Variants in NTM observed in about 807,000 individuals in gnomAD.
NTM encodes the protein IgLON family member 2.
Under a neutral mutation model 42.1 loss-of-function variants are expected in NTM, and 13 were observed. The ratio of observed to expected loss-of-function variants is 0.31; its 90% confidence interval spans 0.20 to 0.49. The LOEUF (loss-of-function observed/expected upper bound fraction) is 0.49, where lower values mean the gene tolerates loss of function less well. Ranked by LOEUF, NTM falls within the 20% of genes least tolerant of loss-of-function variation. The pLI, the probability that NTM is intolerant of heterozygous loss-of-function variation, is 0.99. For missense variants in NTM, 373 were observed against 452.8 expected, an observed-to-expected ratio of 0.82 and a Z score of 1.60; for synonymous variants, 187 against 179.2, an observed-to-expected ratio of 1.04 and a Z score of -0.35.
chr11:132,063,332 A>G (rs1251950426), intron 2 of NTM, among the ~76,000 whole-genome samples: 1 of 152,196 alleles, frequency 6.6e-6, no homozygotes, highest in Admixed American at 6.5e-5. Context: ...GCAAAGTCAG[A>G]TTAACGGACA....
chr11:131,792,435 T>C (rs535115025), intron 1 of NTM, among the ~76,000 whole-genome samples: 19 of 152,226 alleles, frequency 1.2e-4, no homozygotes, highest in African/African-American at 4.6e-4. Flanking sequence ...TGGTGGTGAC[T>C]CACCAGCCAA....
At chr11:132,111,404 A>C (rs1037475337) in intron 2 of NTM, among the ~76,000 whole-genome samples, 1 of 152,288 alleles carries the variant, frequency 6.6e-6, no homozygotes, top group East Asian at 1.9e-4. Context: ...CCAGTCAAAA[A>C]ATTTTCAGCA....
At chr11:132,029,069 T>TTTG (rs1239923278) in intron 2 of NTM, among the ~76,000 whole-genome samples, 1 of 151,870 alleles carries the variant, frequency 6.6e-6, no homozygotes, top group Admixed American at 6.6e-5. Context: ...TGGGTTTTTT[T>TTTG]TTTTGTTTTG....
chr11:131,389,045 A>AAAAGAAAAGAAAAGG (rs1400836856), intron 1 of NTM, among the ~76,000 whole-genome samples: 2 of 150,650 alleles, frequency 1.3e-5, no homozygotes, highest in South Asian at 2.1e-4. Flanking sequence ...AAAAGAAAAG[A>AAAAGAAAAGAAAAGG]AAAGGAAAAA....
At chr11:131,654,997 T>C (rs1003400676) in intron 1 of NTM, among the ~76,000 whole-genome samples, 5 of 152,130 alleles carry the variant, frequency 3.3e-5, no homozygotes, top group Admixed American at 1.3e-4. Flanking sequence ...CAATCGGAAA[T>C]GCTGGGCCTG....
intron 1 of NTM, among the ~76,000 whole-genome samples, chr11:131,618,209 G>T (rs575089533): frequency 1.3e-5 from 2 of 152,134 alleles, no homozygotes; most frequent in African/African-American, 4.8e-5. Flanking sequence ...ACCTCAAAAG[G>T]CCTCCAGAGG....
intron 1 of NTM, among the ~76,000 whole-genome samples, chr11:131,861,740 A>G (rs929678263): frequency 1.3e-5 from 2 of 151,396 alleles, no homozygotes; most frequent in African/African-American, 2.4e-5. Flanking sequence ...ATGCAAAAAG[A>G]AAAAAAAAGA....
At position 131,484,368 on chromosome 11, in the gene NTM, A is replaced by T. The variant is rs529386542; in HGVS notation, c.82+113480A>T. Reference sequence around the variant, plus strand: ...GATACAAGACTGGCACATCCCCAAGAGTTGATTTTCCTTTTCAAATGCAAG... The same window carrying T: ...GATACAAGACTGGCACATCCCCAAGTGTTGATTTTCCTTTTCAAATGCAAG... On this transcript the variant is annotated intron_variant, in intron 1 of 8. Coordinates refer to ENST00000683400, the MANE Select transcript of NTM (RefSeq NM_001352005.2). Among the ~76,000 whole-genome samples the T allele has an allele frequency of 3.9e-5, 6 of 152,188 alleles. No individual in the cohort carries two copies. The South Asian group carries it at 6.2e-4, about 16-fold the overall frequency.
At chr11:131,442,342 G>A (rs1014840062) in intron 1 of NTM, among the ~76,000 whole-genome samples, 3 of 152,084 alleles carry the variant, frequency 2.0e-5, no homozygotes, top group East Asian at 1.9e-4. Flanking sequence ...CCTCCTCATC[G>A]ATGACAGCAA....
chr11:131,645,505 T>A (rs2065663685), intron 1 of NTM, among the ~76,000 whole-genome samples: 1 of 152,184 alleles, frequency 6.6e-6, no homozygotes, highest in African/African-American at 2.4e-5. Context: ...GTTCTGGGTA[T>A]TAAACCAAAC....
chr11:131,962,614 A>G (rs1663226715), intron 2 of NTM, among the ~76,000 whole-genome samples: 1 of 152,182 alleles, frequency 6.6e-6, no homozygotes, highest in Admixed American at 6.5e-5. Context: ...CTGAGGAACA[A>G]ATGTTTGAAC....
intron 2 of NTM, among the ~76,000 whole-genome samples, chr11:132,071,432 C>A (rs933316054): frequency 6.6e-6 from 1 of 152,154 alleles, no homozygotes; most frequent in South Asian, 2.1e-4. Context: ...TGACCACCAC[C>A]GTGCTTGCCT....
intron 1 of NTM, among the ~76,000 whole-genome samples, chr11:131,621,019 A>G (rs997694378): frequency 1.3e-5 from 2 of 152,324 alleles, no homozygotes; most frequent in Non-Finnish European, 2.9e-5. Context: ...CCAGACACAA[A>G]GCTTGTAATT....
At chr11:132,013,377 C>T (rs2072670496) in intron 2 of NTM, among the ~76,000 whole-genome samples, 1 of 152,084 alleles carries the variant, frequency 6.6e-6, no homozygotes, top group Non-Finnish European at 1.5e-5. Context: ...GCTTATCATC[C>T]TAGTGGAAAG....
intron 1 of NTM, among the ~76,000 whole-genome samples, chr11:131,570,377 G>T (rs2057336699): frequency 6.6e-6 from 1 of 152,144 alleles, no homozygotes; most frequent in Admixed American, 6.5e-5. Context: ...CTCTGCTCTA[G>T]AATTGATTCA....
rs113809988 is a variant in NTM, at chr11:132,076,220, G to A, written c.168-70062G>A. Among the ~76,000 whole-genome samples, 353 of 152,160 alleles carry A rather than the reference G, an allele frequency of 2.3e-3. 1 individual carries two copies. Among genetic ancestry groups the A allele is most frequent in the African/African-American group, 8.0e-3 (330 of 41,500 alleles). ...GGGGTCAGCAAACTTTTTCTGTCAAGGGACAATTAGTAAATATTGTAGACT... is the reference window on the plus strand; with the variant it reads ...GGGGTCAGCAAACTTTTTCTGTCAAAGGACAATTAGTAAATATTGTAGACT... On this transcript the variant is annotated intron_variant, in intron 2 of 8. Coordinates refer to ENST00000683400, the MANE Select transcript of NTM (RefSeq NM_001352005.2).
chr11:132,115,522 A>C (rs2063759219), intron 2 of NTM, among the ~76,000 whole-genome samples: 1 of 152,200 alleles, frequency 6.6e-6, no homozygotes, highest in Admixed American at 6.5e-5. Flanking sequence ...AGGTAGACAT[A>C]GGTAACATTT....
At chr11:131,383,691 A>G (rs1014015334) in intron 1 of NTM, among the ~76,000 whole-genome samples, 1 of 152,170 alleles carries the variant, frequency 6.6e-6, no homozygotes, top group African/African-American at 2.4e-5. Context: ...GTTTTCATTG[A>G]AGATTTTATA....
chr11:131,617,787 T>C (rs578102707), intron 1 of NTM, among the ~76,000 whole-genome samples: 1 of 152,294 alleles, frequency 6.6e-6, no homozygotes, highest in South Asian at 2.1e-4. Context: ...GTTTTTGTTT[T>C]TGAGGCTGAA....
Sources: allele counts gnomAD v4.1 joint callset (sites outside exome capture counted in the v4.1 genomes callset), GRCh38; gene constraint gnomAD v4.1.1; transcripts MANE v1.5; gene names NCBI Gene and HGNC (gene_info 2026-07-23, HGNC 2026-07-21).